MEI4: variants seen among roughly 807,000 people sequenced by gnomAD.
MEI4 encodes meiotic double-stranded break formation protein 4.
MEI4 carries 27 observed loss-of-function variants against 31.4 expected under a neutral mutation model. That is an observed-to-expected ratio of 0.86 (90% CI 0.63 to 1.19). The LOEUF is 1.19. MEI4 is among the 50% of genes most tolerant of loss of function. The probability of loss-of-function intolerance (pLI) is 0.00; values close to 1 mark genes in which losing one functional copy is unlikely to be tolerated. For synonymous variants in MEI4, 122 were observed against 145.4 expected, an observed-to-expected ratio of 0.84 and a Z score of 1.16; for missense variants, 329 against 398.9, an observed-to-expected ratio of 0.82 and a Z score of 1.49.
chr6:77,779,355 A>G (rs1241463849), intron 3 of MEI4, among the ~76,000 whole-genome samples: 1 of 152,236 alleles, frequency 6.6e-6, no homozygotes, highest in Non-Finnish European at 1.5e-5. Context: ...AGCTTTTCAT[A>G]TGATTAATAT....
intron 3 of MEI4, among the ~76,000 whole-genome samples, chr6:77,812,020 T>G (rs80022929): frequency 0.01 from 1,570 of 152,194 alleles, 26 homozygotes; most frequent in African/African-American, 0.035. Flanking sequence ...TCCTGAGAGA[T>G]GTGTGTGGAA....
At chr6:77,872,662 G>C (rs937442302) in intron 4 of MEI4, among the ~76,000 whole-genome samples, 1 of 150,064 alleles carries the variant, frequency 6.7e-6, no homozygotes. Context: ...CATCTGCCAT[G>C]CTGGTGTGCT....
At chr6:77,906,889 T>C (rs2127737088) in intron 4 of MEI4, among the ~76,000 whole-genome samples, 1 of 152,248 alleles carries the variant, frequency 6.6e-6, no homozygotes, top group African/African-American at 2.4e-5. Flanking sequence ...GCTGCTATGC[T>C]TAACCCAAAG....
chr6:77,666,407 A>G (rs1301645795), intron 1 of MEI4, among the ~76,000 whole-genome samples: 1 of 152,120 alleles, frequency 6.6e-6, no homozygotes, highest in African/African-American at 2.4e-5. Flanking sequence ...GTCACAGGGG[A>G]TGCGATGGCT....
At chr6:77,697,259 T>C (rs1189495009) in intron 2 of MEI4, among the ~76,000 whole-genome samples, 2 of 152,222 alleles carry the variant, frequency 1.3e-5, no homozygotes, top group East Asian at 1.9e-4. Context: ...TTTGTGTCTC[T>C]ATTTCCTTCA....
At chr6:77,683,533 C>A (rs2127649973) in intron 1 of MEI4, among the ~76,000 whole-genome samples, 1 of 152,156 alleles carries the variant, frequency 6.6e-6, no homozygotes, top group Non-Finnish European at 1.5e-5. Flanking sequence ...AAACTTTGTG[C>A]CCTTTAACTA....
intron 1 of MEI4, among the ~76,000 whole-genome samples, chr6:77,684,128 T>G (rs1769008309): frequency 6.6e-6 from 1 of 152,206 alleles, no homozygotes; most frequent in African/African-American, 2.4e-5. Context: ...TTACTGATGT[T>G]GAGCTTTTTA....
At chr6:77,815,764 C>A (rs1364194036) in intron 3 of MEI4, among the ~76,000 whole-genome samples, 1 of 151,798 alleles carries the variant, frequency 6.6e-6, no homozygotes, top group East Asian at 1.9e-4. Flanking sequence ...AACTCTCTGG[C>A]AAATATCTAA....
chr6:77,835,720 G>A (rs1770204503), intron 4 of MEI4, among the ~76,000 whole-genome samples: 1 of 152,000 alleles, frequency 6.6e-6, no homozygotes, highest in African/African-American at 2.4e-5. Flanking sequence ...GTATAAGGAT[G>A]TTCATTTCAG....
chr6:77,846,201 C>T (rs1048723130), intron 4 of MEI4, among the ~76,000 whole-genome samples: 1 of 152,016 alleles, frequency 6.6e-6, no homozygotes, highest in African/African-American at 2.4e-5. Context: ...CAAGCTCTAC[C>T]TCCCGGGTTC....
chr6:77,761,791 C>T (rs1768051231), intron 3 of MEI4, 126 bp downstream of exon 3: 1 of 507,538 alleles, frequency 2.0e-6, no homozygotes, highest in Non-Finnish European at 3.1e-6. Context: ...TCTTTTTCTG[C>T]AGCTGTCTGC....
At chr6:77,908,634 C>T (rs954134016) in intron 4 of MEI4, among the ~76,000 whole-genome samples, 3 of 152,004 alleles carry the variant, frequency 2.0e-5, no homozygotes, top group Admixed American at 6.6e-5. Context: ...AATGTGGGCT[C>T]TTTTTTGGTT....
chr6:77,915,070 T>C (rs1401315973), intron 4 of MEI4, among the ~76,000 whole-genome samples: 1 of 152,120 alleles, frequency 6.6e-6, no homozygotes, highest in Non-Finnish European at 1.5e-5. Flanking sequence ...GTTATTAATA[T>C]GTGATGGCTT....
intron 2 of MEI4, among the ~76,000 whole-genome samples, chr6:77,745,221 A>T (rs147114898): frequency 6.6e-5 from 10 of 152,270 alleles, no homozygotes; most frequent in African/African-American, 2.4e-4. Context: ...TATTCAGTAA[A>T]CCCATCTCAC....
At chr6:77,909,306 G>A (rs969115361) in intron 4 of MEI4, among the ~76,000 whole-genome samples, 14 of 151,880 alleles carry the variant, frequency 9.2e-5, no homozygotes, top group South Asian at 2.1e-4. Context: ...CTGATAGACC[G>A]CTAGCAAGAC....
intron 2 of MEI4, among the ~76,000 whole-genome samples, chr6:77,707,627 G>A (rs765020452): frequency 1.3e-5 from 2 of 152,186 alleles, no homozygotes; most frequent in Non-Finnish European, 2.9e-5. Flanking sequence ...GGCCTCAAAA[G>A]CATTTCGGAA....
chr6:77,714,969 C>T (rs1390707999), intron 2 of MEI4, among the ~76,000 whole-genome samples: 1 of 152,120 alleles, frequency 6.6e-6, no homozygotes, highest in Non-Finnish European at 1.5e-5. Context: ...TGTTGCCCTG[C>T]GTTTCCTGAG....
At chr6:77,690,513 C>A (rs1193504116) in intron 1 of MEI4, 145 bp from the exon 2 acceptor site, 1 of 399,428 alleles carries the variant, frequency 2.5e-6, no homozygotes, top group Non-Finnish European at 4.4e-6. Context: ...GTTTTCAGTC[C>A]CTGATTTTTT....
At chr6:77,881,691 C>T (rs1771494176) in intron 4 of MEI4, among the ~76,000 whole-genome samples, 1 of 152,074 alleles carries the variant, frequency 6.6e-6, no homozygotes, top group South Asian at 2.1e-4. Flanking sequence ...TTTTGGATGG[C>T]CTATGCCATC....
Sources: gnomAD v4.1 joint callset for allele counts (sites outside exome capture counted in the v4.1 genomes callset) on GRCh38, gnomAD v4.1.1 for gene constraint, MANE v1.5 for transcripts, NCBI Gene and HGNC (gene_info 2026-07-23, HGNC 2026-07-21) for gene names.